The following SHISA6 variants were observed in gnomAD, a reference collection of about 807,000 sequenced individuals.
The protein encoded by SHISA6 is shisa family member 6, also known as protein shisa-6.
A neutral mutation model predicts 47.9 loss-of-function variants in SHISA6; 22 were observed. That is an observed-to-expected ratio of 0.46 (90% CI 0.33 to 0.66). The LOEUF is 0.66. SHISA6 is among the 30% of genes least tolerant of loss of function. The pLI, the probability that SHISA6 is intolerant of heterozygous loss-of-function variation, is 0.02. For missense variants in SHISA6, 680 were observed against 764.6 expected, an observed-to-expected ratio of 0.89 and a Z score of 1.30; for synonymous variants, 388 against 337.8, an observed-to-expected ratio of 1.15 and a Z score of -1.63.
chr17:11,457,233 G>A (rs1417335925), intron 3 of SHISA6, among the ~76,000 whole-genome samples: 1 of 152,132 alleles, frequency 6.6e-6, no homozygotes, highest in Non-Finnish European at 1.5e-5. Context: ...CCCCAGTGGT[G>A]TCCCTGCCAC....
At chr17:11,509,181 C>T (rs993912479) in intron 3 of SHISA6, among the ~76,000 whole-genome samples, 2 of 152,188 alleles carry the variant, frequency 1.3e-5, no homozygotes, top group Non-Finnish European at 2.9e-5. Context: ...CTCTCCAGCT[C>T]ATGGTTTAGG....
In SHISA6 at chr17:11,311,572, T is replaced by C. The variant is rs1910343089; in HGVS notation, c.799+48046T>C. On this transcript the variant is annotated intron_variant, in intron 2 of 5. Transcript: ENST00000441885. ...ATTCCTTGAAGCTTCAAAACCTCTT[T>C]TGTGGGGGAACAAATTTGGAAAATT... is the stretch of plus-strand genomic sequence containing the variant. 2.6e-5 allele frequency among the ~76,000 whole-genome samples: 4 copies of C among 152,156 alleles called. No homozygotes were observed. In the South Asian group the frequency reaches 6.2e-4, roughly 24 times the overall value.
In SHISA6 at chr17:11,297,354, G is replaced by T. The variant is rs111922285; in HGVS notation, c.799+33828G>T. ...TAAGAAAGGTTATTTCCTCTGCAAT[G>T]AATAGCCCAAGATAATTGTTCTAGA... On this transcript the variant is annotated intron_variant, in intron 2 of 5. Coordinates refer to ENST00000441885, the MANE Select transcript of SHISA6 (RefSeq NM_207386.4). Among the ~76,000 whole-genome samples the T allele has an allele frequency of 9.5e-4, 145 of 152,272 alleles. 1 individual carries two copies. The highest frequency in any genetic ancestry group is 3.3e-3 in the African/African-American group (136 of 41,556).
chr17:11,420,614 G>T (rs1301125094), intron 3 of SHISA6, among the ~76,000 whole-genome samples: 1 of 152,120 alleles, frequency 6.6e-6, no homozygotes. Context: ...AGAAGGAAGG[G>T]GTCAGAACTG....
At chr17:11,516,670 T>A in intron 3 of SHISA6, among the ~76,000 whole-genome samples, 1 of 152,184 alleles carries the variant, frequency 6.6e-6, no homozygotes, top group East Asian at 1.9e-4. Flanking sequence ...CTCTGCTCAA[T>A]GGAGCCAGTA....
At chr17:11,395,706 C>T (rs1329264228) in intron 3 of SHISA6, among the ~76,000 whole-genome samples, 1 of 151,784 alleles carries the variant, frequency 6.6e-6, no homozygotes, top group South Asian at 2.1e-4. Flanking sequence ...ATAGTAGAGA[C>T]AGGGTTTCAC....
At chr17:11,518,728 T>C (rs2071605475) in intron 3 of SHISA6, among the ~76,000 whole-genome samples, 1 of 152,194 alleles carries the variant, frequency 6.6e-6, no homozygotes, top group African/African-American at 2.4e-5. Flanking sequence ...ATAGGAATGC[T>C]GGGGAAAGGA....
At chr17:11,500,163 A>G (rs572630698) in intron 3 of SHISA6, among the ~76,000 whole-genome samples, 23 of 152,274 alleles carry the variant, frequency 1.5e-4, no homozygotes, top group African/African-American at 5.5e-4. Flanking sequence ...ACCTCCTGCC[A>G]TATGTATGCA....
At chr17:11,371,775 C>A (rs957930892) in intron 2 of SHISA6, among the ~76,000 whole-genome samples, 27 of 151,666 alleles carry the variant, frequency 1.8e-4, no homozygotes, top group Admixed American at 3.3e-4. Flanking sequence ...CTTTATAATC[C>A]CAGATAAACT....
At chr17:11,359,639 C>A (rs1419415961) in intron 2 of SHISA6, among the ~76,000 whole-genome samples, 4 of 152,132 alleles carry the variant, frequency 2.6e-5, no homozygotes, top group Admixed American at 2.6e-4. Context: ...AATACTCTGA[C>A]AAGAGTATTT....
At chr17:11,478,901 C>A (rs1001156846) in intron 3 of SHISA6, among the ~76,000 whole-genome samples, 4 of 148,132 alleles carry the variant, frequency 2.7e-5, no homozygotes, top group African/African-American at 7.5e-5. Context: ...CTTGGCGATG[C>A]GGGCTCTTTT....
intron 3 of SHISA6, among the ~76,000 whole-genome samples, chr17:11,418,753 C>T (rs1914359720): frequency 6.6e-6 from 1 of 152,214 alleles, no homozygotes; most frequent in Non-Finnish European, 1.5e-5. Context: ...TCACCTTTCC[C>T]TGCCACCCCA....
chr17:11,278,738 T>G, intron 2 of SHISA6, among the ~76,000 whole-genome samples: 1 of 152,232 alleles, frequency 6.6e-6, no homozygotes, highest in East Asian at 1.9e-4. Context: ...TATTCAAGCT[T>G]CGTATTTCCC....
chr17:11,372,512 C>G (rs951015990), intron 2 of SHISA6, among the ~76,000 whole-genome samples: 19 of 151,936 alleles, frequency 1.3e-4, no homozygotes, highest in African/African-American at 4.6e-4. Flanking sequence ...TATCCATTAG[C>G]CTTTTAAAAC....
intron 3 of SHISA6, among the ~76,000 whole-genome samples, chr17:11,382,817 G>T (rs1815496906): frequency 6.6e-6 from 1 of 151,482 alleles, no homozygotes; most frequent in African/African-American, 2.4e-5. Context: ...TTAATTTAAT[G>T]TGTATTTCTA....
intron 3 of SHISA6, among the ~76,000 whole-genome samples, chr17:11,436,075 G>A (rs1037253314): frequency 6.6e-6 from 1 of 152,166 alleles, no homozygotes; most frequent in Non-Finnish European, 1.5e-5. Context: ...ACCTGCAACC[G>A]AATGTCAAGG....
intron 3 of SHISA6, among the ~76,000 whole-genome samples, chr17:11,474,418 T>C (rs1239602738): frequency 7.4e-6 from 1 of 134,924 alleles, no homozygotes; most frequent in Non-Finnish European, 1.6e-5. Flanking sequence ...TTTTTTTTTT[T>C]TTCTTGTAAA....
chr17:11,443,634 T>C (rs528081107), intron 3 of SHISA6, among the ~76,000 whole-genome samples: 19 of 152,318 alleles, frequency 1.2e-4, no homozygotes, highest in African/African-American at 4.6e-4. Flanking sequence ...TTTATGGTGC[T>C]ATCATTGTGA....
intron 2 of SHISA6, among the ~76,000 whole-genome samples, chr17:11,275,175 T>C (rs548714295): frequency 2.0e-5 from 3 of 151,706 alleles, no homozygotes; most frequent in African/African-American, 7.3e-5. Flanking sequence ...ATTAAACATA[T>C]GGACTGTGTC....
Sources: allele counts gnomAD v4.1 joint callset (sites outside exome capture counted in the v4.1 genomes callset), GRCh38; gene constraint gnomAD v4.1.1; transcripts MANE v1.5; gene names NCBI Gene and HGNC (gene_info 2026-07-23, HGNC 2026-07-21).